The following MED13 variants were observed in gnomAD, a reference collection of about 807,000 sequenced individuals.
MED13 encodes the protein mediator complex subunit 13.
In MED13, 23 loss-of-function variants were observed where a neutral mutation model predicts 225.2. The observed-to-expected ratio is 0.10, with a 90% CI of 0.07 to 0.14. The LOEUF (loss-of-function observed/expected upper bound fraction) is 0.14, where lower values mean the gene tolerates loss of function less well. Among genes scored for constraint, MED13 ranks in the 10% least tolerant of loss-of-function variants. The probability of loss-of-function intolerance (pLI) is 1.00; values close to 1 mark genes in which losing one functional copy is unlikely to be tolerated. For synonymous variants in MED13, 942 were observed against 889.2 expected (o/e 1.06, Z -1.06); for missense variants, 2,197 against 2,594.5 (o/e 0.85, Z 3.33).
intron 3 of MED13, among the ~76,000 whole-genome samples, chr17:62,038,694 T>C (rs1470357204): frequency 6.6e-6 from 1 of 152,202 alleles, no homozygotes; most frequent in Non-Finnish European, 1.5e-5. Context: ...TTTTATGGTT[T>C]AGAGACAGGT....
At chr17:61,958,844 C>T (rs1259740210) in intron 23 of MED13, among the ~76,000 whole-genome samples, 2 of 152,130 alleles carry the variant, frequency 1.3e-5, no homozygotes, top group Non-Finnish European at 2.9e-5. Context: ...CATGTAATAC[C>T]TCATTTCATC....
intron 8 of MED13, among the ~76,000 whole-genome samples, chr17:62,017,470 T>C (rs528945474): frequency 1.3e-5 from 2 of 152,314 alleles, no homozygotes; most frequent in East Asian, 1.9e-4. Context: ...ATTATTCAAA[T>C]ATTTGTCTAC....
In MED13 at chr17:62,010,534, T is replaced by TA. The variant is rs749469614; in HGVS notation, c.1967+15dup. ...ACCCTTAAATTATAATGGTGACTATTAAAAAAAATACATACTCTGTAACTG... is the reference window on the plus strand; with the variant it reads ...ACCCTTAAATTATAATGGTGACTATTAAAAAAAAATACATACTCTGTAACTG... On this transcript the variant is annotated intron_variant, in intron 9 of 29. Coordinates refer to ENST00000397786, the MANE Select transcript of MED13 (RefSeq NM_005121.3). The TA allele has an allele frequency of 5.1e-5, 72 of 1,399,470 alleles. No individual in the cohort carries two copies. The highest frequency in any genetic ancestry group is 6.4e-5 in the Non-Finnish European group (68 of 1,068,506). 86.7% of individuals were successfully genotyped at this position (1,399,470 alleles called of 1,614,324 possible).
chr17:62,045,930 G>A (rs2080893639), intron 3 of MED13, among the ~76,000 whole-genome samples: 1 of 151,984 alleles, frequency 6.6e-6, no homozygotes, highest in Non-Finnish European at 1.5e-5. Flanking sequence ...CAGAAAATGA[G>A]ATTTTTTTCT....
At chr17:62,035,943 A>T (rs919166305) in intron 3 of MED13, among the ~76,000 whole-genome samples, 3 of 149,956 alleles carry the variant, frequency 2.0e-5, no homozygotes, top group African/African-American at 7.3e-5. Flanking sequence ...AGTAGGGTCA[A>T]TTTTTTTTTT....
chr17:61,992,356 T>C (rs2080306899), intron 11 of MED13, among the ~76,000 whole-genome samples, 184 bp downstream of exon 11: 1 of 152,302 alleles, frequency 6.6e-6, no homozygotes, highest in South Asian at 2.1e-4. Flanking sequence ...AAACACAAAT[T>C]CTATCACCTG....
At chr17:61,991,466 A>C (rs1417824490) in intron 11 of MED13, among the ~76,000 whole-genome samples, 1 of 151,690 alleles carries the variant, frequency 6.6e-6, no homozygotes, top group South Asian at 2.1e-4. Flanking sequence ...CAGCCTCCCA[A>C]GTTGCTGGGA....
At chr17:61,981,459 A>G (rs1427029470) in intron 16 of MED13, among the ~76,000 whole-genome samples, 1 of 152,232 alleles carries the variant, frequency 6.6e-6, no homozygotes, top group East Asian at 1.9e-4. Flanking sequence ...ATGCTGGTGA[A>G]TGGCTACCTC....
At chr17:61,957,407 T>A (rs569797137) in intron 23 of MED13, among the ~76,000 whole-genome samples, 1 of 152,022 alleles carries the variant, frequency 6.6e-6, no homozygotes, top group South Asian at 2.1e-4. Context: ...TAGAGTGCAG[T>A]GGCATGATCT....
chr17:61,971,803 G>C (rs1046269382), intron 17 of MED13, among the ~76,000 whole-genome samples: 1 of 151,808 alleles, frequency 6.6e-6, no homozygotes, highest in Non-Finnish European at 1.5e-5. Flanking sequence ...GCATGGTGGC[G>C]TGCACCCATA....
intron 22 of MED13, among the ~76,000 whole-genome samples, chr17:61,961,311 T>TGAGG (rs1263226680): frequency 6.6e-6 from 1 of 152,074 alleles, no homozygotes; most frequent in African/African-American, 2.4e-5. Flanking sequence ...GGCGATCACC[T>TGAGG]GAGGTCAGGA....
chr17:62,015,927 TATATATATATATATATATATATATATA>T (rs2080565646), intron 8 of MED13, among the ~76,000 whole-genome samples: 2 of 6,294 alleles, frequency 3.2e-4, no homozygotes, highest in Non-Finnish European at 8.2e-4. Context: ...TATATATATA[TATATATATATATATATATATATATATA>T]TTTTTTTTTT....
At chr17:62,014,331 T>TATATATATA (rs1567978300) in intron 8 of MED13, among the ~76,000 whole-genome samples, 2 of 149,400 alleles carry the variant, frequency 1.3e-5, no homozygotes, top group African/African-American at 5.0e-5. Context: ...TATATATATA[T>TATATATATA]TTTGAGACAC....
At chr17:62,031,213 G>A (rs779853968) in intron 6 of MED13, 6 of 389,314 alleles carry the variant, frequency 1.5e-5, no homozygotes, top group Non-Finnish European at 2.3e-5. Context: ...CATGTCTGTA[G>A]GTTGTTCTCA....
intron 22 of MED13, 144 bp from the exon 23 acceptor site, chr17:61,961,234 T>C (rs1227161926): frequency 1.3e-6 from 1 of 788,536 alleles, no homozygotes; most frequent in East Asian, 2.7e-5. Flanking sequence ...TTGCATAGTA[T>C]CATAAAAATG....
At chr17:62,049,116 A>G (rs1019997812) in intron 3 of MED13, among the ~76,000 whole-genome samples, 2 of 148,884 alleles carry the variant, frequency 1.3e-5, no homozygotes, top group African/African-American at 4.9e-5. Flanking sequence ...GAAATGAGGG[A>G]TCCAACAAGA....
At chr17:61,993,196 C>CTTT (rs1267367816) in intron 10 of MED13, among the ~76,000 whole-genome samples, 86 of 127,348 alleles carry the variant, frequency 6.8e-4, no homozygotes, top group African/African-American at 2.4e-3. Flanking sequence ...TTCTTTCTTT[C>CTTT]TTTCTTTTTT....
chr17:62,022,657 T>C (rs1386012566), intron 8 of MED13, among the ~76,000 whole-genome samples: 3 of 151,878 alleles, frequency 2.0e-5, no homozygotes, highest in African/African-American at 7.3e-5. Flanking sequence ...GTAACTAATA[T>C]GGAAAGATCT....
chr17:62,018,356 TAAC>T (rs756933747), intron 8 of MED13, among the ~76,000 whole-genome samples: 3 of 152,176 alleles, frequency 2.0e-5, no homozygotes, highest in Non-Finnish European at 4.4e-5. Flanking sequence ...CAATACGGTA[TAAC>T]AACTATTTAC....
Sources: gnomAD v4.1 joint callset for allele counts (sites outside exome capture counted in the v4.1 genomes callset) on GRCh38, gnomAD v4.1.1 for gene constraint, MANE v1.5 for transcripts, NCBI Gene and HGNC (gene_info 2026-07-23, HGNC 2026-07-21) for gene names.